KEL: variants seen among roughly 807,000 people sequenced by gnomAD.
The protein encoded by KEL is kell blood group glycoprotein.
KEL carries 96 observed loss-of-function variants against 99.5 expected under a neutral mutation model. The observed-to-expected ratio is 0.97, with a 90% CI of 0.82 to 1.14. The LOEUF (loss-of-function observed/expected upper bound fraction) is 1.14. KEL is among the 50% of genes most tolerant of loss of function. KEL has a pLI of 0.00. For missense variants in KEL, 926 were observed against 924.2 expected (o/e 1.00, Z -0.03); for synonymous variants, 355 against 354.8 (o/e 1.00, Z -0.01).
At chr7:142,944,253 G>C in intron 13 of KEL, 70 bp downstream of exon 13, 2 of 1,252,838 alleles carry the variant, frequency 1.6e-6, no homozygotes, top group East Asian at 2.3e-5. Flanking sequence ...GTCCAACAAA[G>C]ACTTAGGAGG....
At chr7:142,943,096 C>G in intron 16 of KEL, 52 bp from the exon 17 acceptor site, 4 of 1,604,418 alleles carry the variant, frequency 2.5e-6, no homozygotes, top group Non-Finnish European at 3.4e-6. Flanking sequence ...AGGGTTGGTG[C>G]TGCCTAGGTG....
intron 11 of KEL, chr7:142,945,964 CAGGAA>C (rs1486143943): frequency 1.7e-6 from 1 of 574,372 alleles, no homozygotes; most frequent in Non-Finnish European, 3.1e-6. Flanking sequence ...AACACAAGAC[CAGGAA>C]AGTTGGGTGA....
chr7:142,953,720 T>C, intron 9 of KEL, 88 bp downstream of exon 9: 1 of 1,519,152 alleles, frequency 6.6e-7, no homozygotes, highest in Non-Finnish European at 9.1e-7. Flanking sequence ...CCAGCCTGCC[T>C]TCCCCAAGGT....
Position 142,941,306 on chromosome 7 carries a change from G to A in KEL, c.2145C>T (p.Phe715=). 6.2e-7 allele frequency: 1 copy of A among 1,614,104 alleles called. No individual in the cohort carries two copies. Among genetic ancestry groups the A allele is most frequent in the East Asian group, 2.2e-5 (1 of 44,870 alleles). ...TCAAGAGAGCACCACGTGCACAGCG[G>A]AAATACCTGGCAAAGGCTGGGGTGC... is the stretch of plus-strand genomic sequence containing the variant. ...LSSTPAFARY[F]RCARGALLNP... The change falls in exon 19 of 19, where the codon TTC becomes TTT. Residue 715 remains phenylalanine (F), a synonymous_variant. Transcript: ENST00000355265.
chr7:142,943,120 T>C, intron 16 of KEL, 76 bp from the exon 17 acceptor site: 3 of 1,570,794 alleles, frequency 1.9e-6, no homozygotes, highest in East Asian at 2.2e-5. Flanking sequence ...ATGTGGGTGG[T>C]ACCACAGACT....
At chr7:142,947,639 C>G (rs1796568480) in intron 10 of KEL, among the ~76,000 whole-genome samples, 1 of 152,198 alleles carries the variant, frequency 6.6e-6, no homozygotes, top group African/African-American at 2.4e-5. Flanking sequence ...CAACTTTCAC[C>G]TCCCGGGTTC....
chr7:142,946,743 G>A (rs1163526803), intron 10 of KEL: 3 of 246,546 alleles, frequency 1.2e-5, no homozygotes, highest in South Asian at 6.2e-5. Context: ...CGGAGATTGC[G>A]GATGGAAATT....
At chr7:142,951,589 C>T (rs1333864788) in intron 10 of KEL, among the ~76,000 whole-genome samples, 1 of 152,200 alleles carries the variant, frequency 6.6e-6, no homozygotes, top group Non-Finnish European at 1.5e-5. Context: ...AACCAAATGG[C>T]ATCCATGGTA....
In KEL at chr7:142,943,792, G is replaced by A; in HGVS notation, c.1583C>T (p.Pro528Leu). The change falls in exon 14 of 19, where the codon CCC (proline) becomes CTC (leucine). Residue 528 changes from proline to leucine, a missense_variant. Coordinates refer to ENST00000355265, the MANE Select transcript of KEL (RefSeq NM_000420.3). ...TCCCCTGCTGTCATACCTGTGTTGG[G>A]GGTGAGGCTGCAAGAAGCTCTGGAC... ...RIVQSFLQPH[P>L]QHRWKVSPWD... is the part of the protein sequence containing the mutation. 1 of 1,613,938 alleles carries A rather than the reference G, an allele frequency of 6.2e-7. No individual in the cohort carries two copies. The highest frequency in any genetic ancestry group is 2.2e-5 in the East Asian group (1 of 44,874).
intron 11 of KEL, among the ~76,000 whole-genome samples, chr7:142,945,549 T>C (rs527439058): frequency 5.9e-5 from 9 of 152,342 alleles, no homozygotes; most frequent in African/African-American, 1.9e-4. Flanking sequence ...TTATGTCATC[T>C]GTTCTGATGT....
chr7:142,942,393 T>G, intron 18 of KEL, 41 bp downstream of exon 18: 1 of 1,423,606 alleles, frequency 7.0e-7, no homozygotes, highest in Non-Finnish European at 9.8e-7. Flanking sequence ...GGCGTTCAAC[T>G]GACATAAAGC....
At position 142,952,433 on chromosome 7, in the gene KEL, A is replaced by G. The variant is rs981139599; in HGVS notation, c.1203+76T>C. 1.8e-5 allele frequency: 29 copies of G among 1,576,322 alleles called. No individual in the cohort carries two copies. In the African/African-American group the frequency reaches 3.7e-4, roughly 20 times the overall value. ...TCACGGCCCCCTCCCTGAGAGAGAG[A>G]TGCCGACATTTACCCCTCAAAAGAG... On this transcript the variant is annotated intron_variant, in intron 10 of 18. Coordinates refer to ENST00000355265, the MANE Select transcript of KEL (RefSeq NM_000420.3).
intron 4 of KEL, among the ~76,000 whole-genome samples, chr7:142,959,024 A>G (rs544668562): frequency 2.8e-4 from 41 of 145,590 alleles, no homozygotes; most frequent in Non-Finnish European, 4.3e-4. Context: ...AATGTATTTG[A>G]TTGATGTCTC....
rs1796943569 is a variant in KEL at position 142,961,046 on chromosome 7, G to A, written c.282C>T (p.Asn94=). 14 of 1,614,206 alleles carry A rather than the reference G, an allele frequency of 8.7e-6. No individual in the cohort carries two copies. Among genetic ancestry groups the A allele is most frequent in the Non-Finnish European group, 1.0e-5 (12 of 1,180,038 alleles). ...AGTCGGTGCAGGGGGCCACACTTGT[G>A]TTCCCAGAGGCCAGGTAATGATCCC... ...DLRDHYLASG[N]TSVAPCTDFF... Residue 94 remains asparagine (N), a synonymous_variant, in exon 4 of 19, where the codon AAC becomes AAT. Coordinates refer to ENST00000355265, the MANE Select transcript of KEL (RefSeq NM_000420.3).
intron 12 of KEL, 76 bp from the exon 13 acceptor site, chr7:142,944,476 T>A: frequency 7.7e-7 from 1 of 1,302,418 alleles, no homozygotes; most frequent in South Asian, 1.2e-5. Flanking sequence ...CGTTGCCCTG[T>A]CCCAGCCTCT....
Position 142,943,780 on chromosome 7 carries a change from T to C in KEL, c.1592+3A>G, listed in dbSNP as rs752524525. 6.2e-7 allele frequency: 1 copy of C among 1,613,186 alleles called. No homozygotes were observed. The highest frequency in any genetic ancestry group is 8.5e-7 in the Non-Finnish European group (1 of 1,179,144). On this transcript the variant is annotated splice_donor_region_variant and intron_variant, in intron 14 of 18. Coordinates refer to ENST00000355265, the MANE Select transcript of KEL (RefSeq NM_000420.3). ...AGTGCCTGTGTCTCCCCTGCTGTCA[T>C]ACCTGTGTTGGGGGTGAGGCTGCAA...
intron 6 of KEL, among the ~76,000 whole-genome samples, chr7:142,956,169 G>C (rs575483723): frequency 1.3e-5 from 2 of 152,162 alleles, no homozygotes; most frequent in African/African-American, 4.8e-5. Context: ...TGGGATCACT[G>C]TGTAATCCCC....
At chr7:142,946,424 G>C (rs1390968175) in intron 10 of KEL, 107 bp from the exon 11 acceptor site, 2 of 878,386 alleles carry the variant, frequency 2.3e-6, no homozygotes, top group Non-Finnish European at 3.7e-6. Flanking sequence ...CTTTTGACTG[G>C]ACTTTCTGGG....
At chr7:142,959,026 T>A (rs967714514) in intron 4 of KEL, among the ~76,000 whole-genome samples, 9 of 151,624 alleles carry the variant, frequency 5.9e-5, no homozygotes, top group African/African-American at 2.2e-4. Flanking sequence ...TGTATTTGAT[T>A]GATGTCTCAT....
Sources: allele counts gnomAD v4.1 joint callset (sites outside exome capture counted in the v4.1 genomes callset), GRCh38; gene constraint gnomAD v4.1.1; transcripts MANE v1.5; gene names NCBI Gene and HGNC (gene_info 2026-07-23, HGNC 2026-07-21).